NRG1: variants seen among roughly 807,000 people sequenced by gnomAD.
NRG1 encodes the protein neuregulin 1.
Under a neutral mutation model 63.8 loss-of-function variants are expected in NRG1, and 18 were observed. The ratio of observed to expected loss-of-function variants is 0.28; its 90% CI spans 0.19 to 0.42. NRG1 has a LOEUF of 0.42. Ranked by LOEUF, NRG1 falls within the 10% of genes least tolerant of loss-of-function variation. The probability of loss-of-function intolerance (pLI) is 1.00; values close to 1 mark genes in which losing one functional copy is unlikely to be tolerated. For synonymous variants in NRG1, 302 were observed against 301.3 expected (o/e 1.00, Z -0.02); for missense variants, 762 against 814.7 (o/e 0.94, Z 0.79).
At position 32,714,982 on chromosome 8, in the gene NRG1, A is replaced by AT. The variant is rs1052013889; in HGVS notation, c.503-12958dup. ...ATGAAGGGCCAATGAAGGATTGCTG[A>AT]TTTTTTTTTAAGACAGGATCTTGCT... On this transcript the variant is annotated intron_variant, in intron 5 of 11. Coordinates refer to ENST00000356819, the Ensembl canonical transcript of NRG1. Among the ~76,000 whole-genome samples, 118 of 151,756 alleles carry AT rather than the reference A, an allele frequency of 7.8e-4. 1 individual carries two copies. The highest frequency in any genetic ancestry group is 2.4e-3 in the African/African-American group (100 of 41,404).
In NRG1 at chr8:31,904,811, G is replaced by T. The variant is rs189225208; in HGVS notation, c.37+265380G>T. ...AAATGCTGAATGTTCCCACTTATAA[G>T]TTGGAGGTAAACACTGAGTACACCT... On this transcript the variant is annotated intron_variant, in intron 1 of 10. Transcript: ENST00000519301. Among the ~76,000 whole-genome samples, 230 of 152,184 alleles carry T rather than the reference G, an allele frequency of 1.5e-3. 2 individuals carry two copies. Among genetic ancestry groups the T allele is most frequent in the East Asian group, 3.9e-4 (2 of 5,160 alleles).
intron 1 of NRG1, among the ~76,000 whole-genome samples, chr8:32,553,031 C>CATTTTCT (rs1279526956): frequency 2.6e-5 from 4 of 152,328 alleles, no homozygotes; most frequent in African/African-American, 9.6e-5. Context: ...AAATTCCTTG[C>CATTTTCT]TATTAGGCAG....
intron 1 of NRG1, among the ~76,000 whole-genome samples, chr8:32,388,027 G>A (rs779452851): frequency 6.6e-6 from 1 of 152,168 alleles, no homozygotes; most frequent in Non-Finnish European, 1.5e-5. Flanking sequence ...CTAATGCCCA[G>A]GTGACCTGAA....
intron 1 of NRG1, among the ~76,000 whole-genome samples, chr8:32,051,942 A>C (rs1396169868): frequency 6.6e-6 from 1 of 152,120 alleles, no homozygotes; most frequent in Non-Finnish European, 1.5e-5. Context: ...AAAATAGTAG[A>C]GTTTACTGGA....
At chr8:32,046,633 A>G (rs1330910047) in intron 1 of NRG1, among the ~76,000 whole-genome samples, 1 of 152,130 alleles carries the variant, frequency 6.6e-6, no homozygotes, top group East Asian at 1.9e-4. Context: ...TGATTTGTGC[A>G]ACAACTTGGA....
intron 1 of NRG1, among the ~76,000 whole-genome samples, chr8:32,434,786 G>T (rs1275216912): frequency 2.0e-5 from 3 of 151,690 alleles, no homozygotes; most frequent in Non-Finnish European, 4.4e-5. Context: ...ACCAGTTGAA[G>T]AGAGAAAATA....
chr8:32,721,666 T>G (rs1194964156), intron 5 of NRG1: 1 of 263,158 alleles, frequency 3.8e-6, no homozygotes, highest in African/African-American at 2.2e-5. Context: ...TTCAAGTACA[T>G]ATTTGCTATT....
chr8:32,463,743 A>G lies in NRG1; in HGVS notation c.38-132085A>G, dbSNP rs557241681. On this transcript the variant is annotated intron_variant, in intron 1 of 10. Coordinates refer to the NRG1 transcript ENST00000519301. The stretch of plus-strand genomic sequence containing the variant: ...GTAGTCCCAGCTACTCAGGAGGCTG[A>G]GGTGTAAGGATCACTTGAGCCCAGG... Among the ~76,000 whole-genome samples, 14 of 152,020 alleles carry G rather than the reference A, an allele frequency of 9.2e-5. No individual in the cohort carries two copies. In the South Asian group the frequency reaches 2.9e-3, roughly 32 times the overall value.
chr8:31,856,921 G>A lies in NRG1; in HGVS notation c.37+217490G>A, dbSNP rs1827941690. Among the ~76,000 whole-genome samples the A allele has an allele frequency of 2.6e-5, 4 of 152,248 alleles. No individual in the cohort carries two copies. In the South Asian group the frequency reaches 8.3e-4, roughly 32 times the overall value. On this transcript the variant is annotated intron_variant, in intron 1 of 10. Coordinates refer to the NRG1 transcript ENST00000519301. ...CTGGGGGATGCCTCCCAGTTAGGCT[G>A]CTCGGGGGTCAGGTGTCAGGGACCC...
intron 1 of NRG1, among the ~76,000 whole-genome samples, chr8:31,656,678 G>A (rs1040959286): frequency 9.2e-5 from 14 of 152,122 alleles, no homozygotes; most frequent in African/African-American, 3.1e-4. Context: ...TGTTACTAAC[G>A]TGTTGCTGAA....
intron 5 of NRG1, among the ~76,000 whole-genome samples, chr8:32,642,176 T>C (rs1393669063): frequency 2.0e-5 from 3 of 152,208 alleles, no homozygotes; most frequent in African/African-American, 7.2e-5. Context: ...TTTTAGATAG[T>C]TGGCTATGAA....
intron 1 of NRG1, among the ~76,000 whole-genome samples, chr8:32,408,990 T>C (rs1252969278): frequency 6.6e-6 from 1 of 152,268 alleles, no homozygotes; most frequent in African/African-American, 2.4e-5. Flanking sequence ...ACATGCAATA[T>C]TTGACTTTCT....
chr8:32,429,945 AATCTT>A (rs1485778651), intron 1 of NRG1, among the ~76,000 whole-genome samples: 4 of 152,158 alleles, frequency 2.6e-5, no homozygotes, highest in Admixed American at 6.5e-5. Context: ...TGCTTTTTCT[AATCTT>A]ATCTTTGTAG....
At chr8:32,099,878 C>T (rs535176038) in intron 1 of NRG1, 2 of 152,198 alleles carry the variant, frequency 1.3e-5, no homozygotes, top group Non-Finnish European at 2.9e-5. Context: ...AAGAAACAAC[C>T]TGCTACCATA....
At chr8:31,897,340 C>A (rs551996708) in intron 1 of NRG1, among the ~76,000 whole-genome samples, 1 of 152,010 alleles carries the variant, frequency 6.6e-6, no homozygotes, top group East Asian at 1.9e-4. Context: ...CTGTTTATAG[C>A]AATAAGATAC....
At chr8:32,646,244 T>C (rs909358336) in intron 5 of NRG1, among the ~76,000 whole-genome samples, 3 of 152,152 alleles carry the variant, frequency 2.0e-5, no homozygotes, top group Non-Finnish European at 4.4e-5. Flanking sequence ...TAGCACTCCC[T>C]TCCTCCAGCC....
intron 1 of NRG1, among the ~76,000 whole-genome samples, chr8:32,207,605 C>G (rs1844203440): frequency 6.6e-6 from 1 of 152,146 alleles, no homozygotes; most frequent in Non-Finnish European, 1.5e-5. Flanking sequence ...TTGATTAAAT[C>G]TAGCAAAACT....
chr8:32,428,799 C>T (rs148046947), intron 1 of NRG1, among the ~76,000 whole-genome samples: 423 of 152,280 alleles, frequency 2.8e-3, no homozygotes, highest in Middle Eastern at 6.8e-3. Flanking sequence ...CCCCTGACCT[C>T]CCTTGAAGAT....
At chr8:31,753,604 G>A (rs911821201) in intron 1 of NRG1, among the ~76,000 whole-genome samples, 23 of 151,968 alleles carry the variant, frequency 1.5e-4, no homozygotes, top group East Asian at 7.7e-4. Context: ...TGGAGACTGC[G>A]GCATTCACCT....
Sources: gnomAD v4.1 joint callset for allele counts (sites outside exome capture counted in the v4.1 genomes callset) on GRCh38, gnomAD v4.1.1 for gene constraint, MANE v1.5 for transcripts, NCBI Gene and HGNC (gene_info 2026-07-23, HGNC 2026-07-21) for gene names.